Variants in MYH15 observed in about 807,000 individuals in gnomAD.
MYH15 encodes the protein myosin-15.
MYH15 carries 227 observed loss-of-function variants against 240.5 expected under a neutral mutation model. The observed-to-expected ratio is 0.94, with a 90% CI of 0.85 to 1.05. The LOEUF (loss-of-function observed/expected upper bound fraction) is 1.05, where lower values mean the gene tolerates loss of function less well. Among genes scored for constraint, MYH15 ranks in the 50% least tolerant of loss-of-function variants. The pLI is 0.00. For synonymous variants in MYH15, 785 were observed against 796.7 expected, an observed-to-expected ratio of 0.99 and a Z score of 0.25; for missense variants, 2,217 against 2,247.5, an observed-to-expected ratio of 0.99 and a Z score of 0.27.
intron 21 of MYH15, among the ~76,000 whole-genome samples, chr3:108,447,079 G>A (rs2082934676): frequency 6.6e-6 from 1 of 152,110 alleles, no homozygotes; most frequent in East Asian, 1.9e-4. Flanking sequence ...GAACAAAATG[G>A]CTGGACTGAA....
chr3:108,510,669 A>G, upstream of MYH15: 1 of 1,347,866 alleles, frequency 7.4e-7, no homozygotes, highest in Non-Finnish European at 1.0e-6. Flanking sequence ...TCACATAGAT[A>G]GACTAAAGAG....
chr3:108,476,315 G>T, intron 12 of MYH15, 82 bp downstream of exon 12: 1 of 834,478 alleles, frequency 1.2e-6, no homozygotes, highest in Non-Finnish European at 1.9e-6. Context: ...AACATCCTTA[G>T]TAGTTGAAAA....
At chr3:108,479,120 C>T (rs1197129278) in intron 11 of MYH15, among the ~76,000 whole-genome samples, 6 of 152,116 alleles carry the variant, frequency 3.9e-5, no homozygotes, top group Non-Finnish European at 5.9e-5. Context: ...ATGAAAATGG[C>T]GTAAATCTAT....
Position 108,517,308 on chromosome 3 carries a change from C to T in MYH15, c.-57-6721G>A, listed in dbSNP as rs111858906. Among the ~76,000 whole-genome samples the T allele has an allele frequency of 7.0e-3, 1,062 of 152,232 alleles. 5 individuals are homozygous for T. Among genetic ancestry groups the T allele is most frequent in the African/African-American group, 0.024 (999 of 41,532 alleles). The stretch of plus-strand genomic sequence containing the variant: ...TGCTGGATCTCTGCACTGAGCTATT[C>T]GCTATTGATCCAGAGAAGAACTTCT... On this transcript the variant is annotated intron_variant, in intron 1 of 41. Coordinates refer to the MYH15 transcript ENST00000273353.
chr3:108,513,510 A>T (rs2083536458), upstream of MYH15, among the ~76,000 whole-genome samples: 1 of 152,186 alleles, frequency 6.6e-6, no homozygotes, highest in South Asian at 2.1e-4. Context: ...TTATCAATAC[A>T]TACTGATTAG....
At chr3:108,447,587 A>G in intron 21 of MYH15, among the ~76,000 whole-genome samples, 1 of 152,024 alleles carries the variant, frequency 6.6e-6, no homozygotes, top group East Asian at 1.9e-4. Context: ...AAAGAAAAAA[A>G]AAAAACTAAA....
At chr3:108,383,472 TTCTTA>T in intron 40 of MYH15, 118 bp downstream of exon 40, 2 of 1,057,358 alleles carry the variant, frequency 1.9e-6, no homozygotes, top group Admixed American at 5.2e-5. Context: ...GAACCCTTTG[TTCTTA>T]TCTTTTAAAA....
At position 108,456,799 on chromosome 3, in the gene MYH15, G is replaced by A; in HGVS notation, c.2105C>T (p.Pro702Leu). The A allele has an allele frequency of 6.2e-7, 1 of 1,613,540 alleles. No individual in the cohort carries two copies. Among genetic ancestry groups the A allele is most frequent in the South Asian group, 1.1e-5 (1 of 91,052 alleles). The part of the protein sequence containing the change: ...EGTRICREGF[P>L]NRLQYADFKQ... Reference sequence around the variant, plus strand: ...AAAATCAGCATACTGCAGTCGGTTTGGAAAACCTTCACGGCATATCCTAGT... The same window carrying A: ...AAAATCAGCATACTGCAGTCGGTTTAGAAAACCTTCACGGCATATCCTAGT... Residue 702 changes from proline to leucine, a missense_variant, in exon 19 of 41, where the codon CCA becomes CTA. Physicochemically the swap from Pro to Leu is moderately conservative, Grantham distance 98 (BLOSUM62 -3). Transcript: ENST00000693548.
In MYH15 at chr3:108,428,696, C is replaced by T; in HGVS notation, c.3498G>A (p.Leu1166=). ...GAGTGGCCTCTTCCATGTCTCGGTG[C>T]AGCTTCTGGAATTTGGTTTCCTGTT... The part of the protein sequence containing the change: ...TKKQETKFQK[L]HRDMEEATLH... The change falls in exon 27 of 41, where the codon CTG becomes CTA. Residue 1166 remains leucine, a synonymous_variant. Transcript: ENST00000693548. 1 of 1,613,630 alleles carries T rather than the reference C, an allele frequency of 6.2e-7. No individual in the cohort carries two copies. The highest frequency in any genetic ancestry group is 8.5e-7 in the Non-Finnish European group (1 of 1,179,920).
At chr3:108,415,053 T>G (rs2082622733) in intron 29 of MYH15, among the ~76,000 whole-genome samples, 2 of 152,180 alleles carry the variant, frequency 1.3e-5, no homozygotes, top group Admixed American at 6.5e-5. Flanking sequence ...AATTCTTAAT[T>G]TTATTTAACT....
chr3:108,463,356 C>A (rs2083087595), intron 15 of MYH15, 113 bp from the exon 16 acceptor site: 1 of 1,186,272 alleles, frequency 8.4e-7, no homozygotes, highest in South Asian at 1.5e-5. Flanking sequence ...ATTCTGTTAT[C>A]CAGGCTAGAA....
chr3:108,429,235 C>CA (rs1481598478), intron 26 of MYH15, among the ~76,000 whole-genome samples: 15 of 152,222 alleles, frequency 9.9e-5, no homozygotes, highest in African/African-American at 3.6e-4. Context: ...ATTTTATATA[C>CA]AAAAATCTTC....
chr3:108,422,729 A>C (rs1397671513), intron 27 of MYH15, among the ~76,000 whole-genome samples: 2 of 152,328 alleles, frequency 1.3e-5, no homozygotes, highest in South Asian at 4.1e-4. Flanking sequence ...TACACCAATG[A>C]AATTTTGAGA....
chr3:108,441,569 G>A lies in MYH15; in HGVS notation c.2656-309C>T, dbSNP rs925846088. Among the ~76,000 whole-genome samples the A allele has an allele frequency of 2.6e-5, 4 of 152,222 alleles. No individual in the cohort carries two copies. The South Asian group carries it at 6.2e-4, about 24-fold the overall frequency. On this transcript the variant is annotated intron_variant, in intron 22 of 40. Coordinates refer to ENST00000693548, the MANE Select transcript of MYH15 (RefSeq NM_014981.3). ...GCTAGCATGCCTCCAAAAATCAGTG[G>A]TGTGCTGCTTAAACCACAGCTTCTG...
chr3:108,463,345 C>A, intron 15 of MYH15, 102 bp from the exon 16 acceptor site: 1 of 1,264,250 alleles, frequency 7.9e-7, no homozygotes, highest in Non-Finnish European at 1.1e-6. Flanking sequence ...GACAGGGTCT[C>A]ATTCTGTTAT....
rs536674220 is a variant in MYH15, at chr3:108,462,203, C to T, written c.1864+908G>A. ...TTCCCTCTGTATGTAGTTAGCATTTCGTTCAGTGAGGCTGGTGTTAACAAC... is the reference window on the plus strand; with the variant it reads ...TTCCCTCTGTATGTAGTTAGCATTTTGTTCAGTGAGGCTGGTGTTAACAAC... On this transcript the variant is annotated intron_variant, in intron 16 of 40. Coordinates refer to ENST00000693548, the MANE Select transcript of MYH15 (RefSeq NM_014981.3). 4.6e-5 allele frequency among the ~76,000 whole-genome samples: 7 copies of T among 152,236 alleles called. No individual in the cohort carries two copies. In the South Asian group the frequency reaches 1.2e-3, roughly 27 times the overall value.
rs763299017 is a variant in MYH15 at position 108,456,852 on chromosome 3, C to T, written c.2052G>A (p.Gln684=). ...CTTCCAAGACACCATTACAGCGCAACTGCTGTAGAACCAAGTAAGGGTCCA... is the reference window on the plus strand; with the variant it reads ...CTTCCAAGACACCATTACAGCGCAATTGCTGTAGAACCAAGTAAGGGTCCA... The part of the protein sequence containing the change: ...GILDPYLVLQ[Q]LRCNGVLEGT... The change falls in exon 19 of 41, where the codon CAG becomes CAA. Residue 684 remains glutamine, a synonymous_variant. Transcript: ENST00000693548. The T allele has an allele frequency of 6.2e-7, 1 of 1,613,124 alleles. No homozygotes were observed. The highest frequency in any genetic ancestry group is 1.1e-5 in the South Asian group (1 of 90,984).
chr3:108,393,018 A>G (rs940954935), intron 36 of MYH15, among the ~76,000 whole-genome samples: 3 of 152,314 alleles, frequency 2.0e-5, no homozygotes, highest in African/African-American at 7.2e-5. Context: ...GGATTCTACA[A>G]TGATTAGGTG....
upstream of MYH15, among the ~76,000 whole-genome samples, chr3:108,531,847 C>T (rs1156391642): frequency 6.6e-6 from 1 of 151,800 alleles, no homozygotes; most frequent in Non-Finnish European, 1.5e-5. Context: ...ACTAAGAACA[C>T]CTATTAGCAA....
Sources: allele counts gnomAD v4.1 joint callset (sites outside exome capture counted in the v4.1 genomes callset), GRCh38; gene constraint gnomAD v4.1.1; transcripts MANE v1.5; gene names NCBI Gene and HGNC (gene_info 2026-07-23, HGNC 2026-07-21).